HLA-DQB2: variants seen among roughly 807,000 people sequenced by gnomAD.
HLA-DQB2 encodes HLA class II histocompatibility antigen, DQ beta 2 chain.
In HLA-DQB2, 24 loss-of-function variants were observed where a neutral mutation model predicts 29.2. The observed-to-expected ratio is 0.82, with a 90% CI of 0.60 to 1.16. HLA-DQB2 has a LOEUF of 1.16. HLA-DQB2 is among the 50% of genes most tolerant of loss of function. HLA-DQB2 has a pLI of 0.00. For synonymous variants in HLA-DQB2, 104 were observed against 133.1 expected, an observed-to-expected ratio of 0.78 and a Z score of 1.51; for missense variants, 273 against 343.6, an observed-to-expected ratio of 0.79 and a Z score of 1.62.
rs1358148676 is a variant in HLA-DQB2, at chr6:32,758,540, C to A, written c.646+310G>T. On this transcript the variant is annotated intron_variant, in intron 3 of 5. Coordinates refer to ENST00000437316, the MANE Select transcript of HLA-DQB2 (RefSeq NM_001300790.2). ...ATAAATTACCCATTCTCAGGTATTT[C>A]TTTATAGTGGAGTGAGAAGAGCCAA... Among the ~76,000 whole-genome samples the A allele has an allele frequency of 3.3e-5, 5 of 152,196 alleles. No individual in the cohort carries two copies. In the East Asian group the frequency reaches 9.6e-4, roughly 29 times the overall value.
chr6:32,761,708 A>C lies in HLA-DQB2; in HGVS notation c.316T>G (p.Cys106Gly). 1 of 1,552,920 alleles carries C rather than the reference A, an allele frequency of 6.4e-7. No homozygotes were observed. Among genetic ancestry groups the C allele is most frequent in the Non-Finnish European group, 8.7e-7 (1 of 1,148,102 alleles). The change falls in exon 2 of 6, where the codon TGC becomes GGC. Residue 106 changes from cysteine (C) to glycine (G), a missense_variant. Transcript: ENST00000437316. ...AGCTCCGCCTCGTAGTTGTGTCTGC[A>C]CACCTTGTCCACCGCGGCCCGCTCC... ...EQERAAVDKV[C>G]RHNYEAELRT...
intron 1 of HLA-DQB2, among the ~76,000 whole-genome samples, chr6:32,762,159 T>C (rs1430263355): frequency 2.0e-5 from 3 of 152,114 alleles, no homozygotes. Context: ...TCTGCCTTCC[T>C]TTAGGGAGGT....
rs1413527953 is a variant in HLA-DQB2 at position 32,759,126 on chromosome 6, G to C, written c.370C>G (p.Pro124Ala). Reference sequence around the variant, plus strand: ...CTGGATGGGGAGATGGTCACTGTGGGCTCCACTGAGGGCAGTAACAGACAG... The same window carrying C: ...CTGGATGGGGAGATGGTCACTGTGGCCTCCACTGAGGGCAGTAACAGACAG... ...LRTTLQRQVE[P>A]TVTISPSRTE... is the part of the protein sequence containing the mutation. The change falls in exon 3 of 6, where the codon CCC (proline) becomes GCC (alanine). Residue 124 changes from proline to alanine, a missense_variant. Coordinates refer to ENST00000437316, the MANE Select transcript of HLA-DQB2 (RefSeq NM_001300790.2). 6 of 1,613,252 alleles carry C rather than the reference G, an allele frequency of 3.7e-6. No individual in the cohort carries two copies. Among genetic ancestry groups the C allele is most frequent in the Non-Finnish European group, 5.1e-6 (6 of 1,179,826 alleles).
chr6:32,758,761 G>C, intron 3 of HLA-DQB2, 89 bp downstream of exon 3: 23 of 1,473,626 alleles, frequency 1.6e-5, no homozygotes, highest in Non-Finnish European at 2.0e-5. Flanking sequence ...AGTGATGTCA[G>C]GGACAAGAGA....
At chr6:32,762,615 C>T (rs11759423) in intron 1 of HLA-DQB2, among the ~76,000 whole-genome samples, 8,665 of 152,232 alleles carry the variant, frequency 0.057, 312 homozygotes, top group South Asian at 0.11. Context: ...CCAGCTTGGG[C>T]AGGTTACTTA....
At chr6:32,756,954 T>C (rs1245828121) in intron 5 of HLA-DQB2, 3 of 1,228,498 alleles carry the variant, frequency 2.4e-6, no homozygotes, top group Non-Finnish European at 3.1e-6. Context: ...CCCCTAAGTC[T>C]TAACCCTCAT....
intron 3 of HLA-DQB2, 72 bp from the exon 4 acceptor site, chr6:32,757,955 G>A: frequency 1.8e-6 from 2 of 1,090,792 alleles, no homozygotes; most frequent in Non-Finnish European, 2.6e-6. Context: ...AGGTGGAGAT[G>A]TCAGGGGACA....
Position 32,757,809 on chromosome 6 carries a change from C to G in HLA-DQB2, c.721G>C (p.Gly241Arg). ...GGFVLGLIFL[G>R]LGLIIRHRGQ... ...CTGTGACGGATGATAAGGCCCAGCC[C>G]GAGGAAGATCAGCCCCAGCACGAAG... is the stretch of plus-strand genomic sequence containing the variant. The change falls in exon 4 of 6, where the codon GGG becomes CGG. Residue 241 changes from glycine to arginine, a missense_variant. By Grantham distance (125) the Gly-to-Arg change is moderately radical (BLOSUM62 -2). Coordinates refer to ENST00000437316, the MANE Select transcript of HLA-DQB2 (RefSeq NM_001300790.2). 2 of 1,613,728 alleles carry G rather than the reference C, an allele frequency of 1.2e-6. No homozygotes were observed. The highest frequency in any genetic ancestry group is 1.7e-6 in the Non-Finnish European group (2 of 1,179,796).
rs1765035506 is a variant in HLA-DQB2, at chr6:32,763,496, G to C, written c.-26C>G. The C allele has an allele frequency of 7.5e-6, 11 of 1,467,618 alleles. No individual in the cohort carries two copies. In the South Asian group the frequency reaches 1.3e-4, roughly 18 times the overall value. 90.9% of individuals were successfully genotyped at this position (1,467,618 alleles called of 1,614,324 possible). ...CTTCCAAGACGTAAGTGAGACCAAG[G>C]AAAAAGCAGTGGTAGTCAACACAGC... On this transcript the variant is annotated 5_prime_UTR_variant, in exon 1 of 6. Transcript: ENST00000437316.
Position 32,761,752 on chromosome 6 carries a change from T to G in HLA-DQB2, c.272A>C (p.Tyr91Ser). ...CCGCTCCTGCTCCAAGAAGTCCTTA[T>G]AGTTGTTCCAGTCCTCGATGCTCCG... ...LGRSIEDWNN[Y>S]KDFLEQERAA... Residue 91 changes from tyrosine to serine, a missense_variant, in exon 2 of 6, where the codon TAT (tyrosine) becomes TCT (serine). By Grantham distance (144) the Tyr-to-Ser change is moderately radical. Coordinates refer to ENST00000437316, the MANE Select transcript of HLA-DQB2 (RefSeq NM_001300790.2). 6.4e-7 allele frequency: 1 copy of G among 1,562,094 alleles called. No individual in the cohort carries two copies. The highest frequency in any genetic ancestry group is 8.7e-7 in the Non-Finnish European group (1 of 1,153,436).
chr6:32,761,866 C>G lies in HLA-DQB2; in HGVS notation c.158G>C (p.Arg53Pro), dbSNP rs1764868996. 5 of 1,611,974 alleles carry G rather than the reference C, an allele frequency of 3.1e-6. No individual in the cohort carries two copies. The East Asian group carries it at 6.7e-5, about 22-fold the overall frequency. The change falls in exon 2 of 6, where the codon CGC becomes CCC. Residue 53 changes from arginine (R) to proline (P), a missense_variant. Arg to Pro is a moderately radical substitution (Grantham distance 103). Transcript: ENST00000437316. ...GTTATAGATGTATCTGGCCACACCG[C>G]GCACGCGCTCTGTCCCGTTGGTGAA... Reference protein sequence around the residue: ...CYFTNGTERVRGVARYIYNRE... With the variant: ...CYFTNGTERVPGVARYIYNRE...
At position 32,756,476 on chromosome 6, in the gene HLA-DQB2, A is replaced by T; in HGVS notation, c.782-10T>A. On this transcript the variant is annotated splice_polypyrimidine_tract_variant and intron_variant, in intron 5 of 5. Coordinates refer to ENST00000437316, the MANE Select transcript of HLA-DQB2 (RefSeq NM_001300790.2). ...AGTCAGTGCAGGAGTCCTGGAGAAG[A>T]GAGACGAGGCATGATCAGCACAGGG... 3 of 1,573,958 alleles carry T rather than the reference A, an allele frequency of 1.9e-6. No homozygotes were observed. Among genetic ancestry groups the T allele is most frequent in the Non-Finnish European group, 1.7e-6 (2 of 1,154,514 alleles).
At position 32,756,161 on chromosome 6, in the gene HLA-DQB2, C is replaced by A; in HGVS notation, c.*292G>T. On this transcript the variant is annotated 3_prime_UTR_variant, in exon 6 of 6. Coordinates refer to ENST00000437316, the MANE Select transcript of HLA-DQB2 (RefSeq NM_001300790.2). ...AAGTCAGGTAAATGATTTTGTTTGT[C>A]ATGCTTCTCTTGACAGGTCTGTGGG... The A allele has an allele frequency of 2.2e-6, 1 of 458,560 alleles. No individual in the cohort carries two copies. The highest frequency in any genetic ancestry group is 3.8e-6 in the Non-Finnish European group (1 of 260,204). 28.4% of individuals were successfully genotyped at this position (458,560 alleles called of 1,614,324 possible). A position where few individuals can be genotyped will look rare whatever the true frequency, so the allele number is the denominator to read the frequency against.
In HLA-DQB2 at chr6:32,761,807, C is replaced by G; in HGVS notation, c.217G>C (p.Gly73Arg). The change falls in exon 2 of 6, where the codon GGG becomes CGG. Residue 73 changes from glycine (G) to arginine (R), a missense_variant. Transcript: ENST00000437316. ...EEYGRFDSDV[G>R]EFQAVTELGR... ...AGCTCGGTCACCGCCTGGAACTCCC[C>G]AACGTCGCTGTCGAAGCGCCCGTAC... The G allele has an allele frequency of 6.3e-7, 1 of 1,599,156 alleles. No individual in the cohort carries two copies. Among genetic ancestry groups the G allele is most frequent in the Non-Finnish European group, 8.5e-7 (1 of 1,172,884 alleles).
At chr6:32,757,362 C>G (rs1185032650) in intron 4 of HLA-DQB2, 58 bp from the exon 5 acceptor site, 6 of 1,280,062 alleles carry the variant, frequency 4.7e-6, no homozygotes, top group African/African-American at 1.5e-5. Context: ...ACTATCTTAC[C>G]CCAAAGGAAA....
intron 1 of HLA-DQB2, 147 bp from the exon 2 acceptor site, chr6:32,762,073 G>C: frequency 8.9e-7 from 1 of 1,124,542 alleles, no homozygotes; most frequent in East Asian, 2.6e-5. Flanking sequence ...CTGGGCCCGT[G>C]CCTCGTGCTC....
intron 1 of HLA-DQB2, among the ~76,000 whole-genome samples, chr6:32,762,518 C>A (rs746112886): frequency 2.1e-5 from 3 of 145,604 alleles, no homozygotes; most frequent in African/African-American, 2.5e-5. Flanking sequence ...AGGACCTACA[C>A]CTCCGGAGTC....
Position 32,756,342 on chromosome 6 carries a change from G to A in HLA-DQB2, c.*111C>T. The A allele has an allele frequency of 1.3e-6, 1 of 741,168 alleles. No homozygotes were observed. Among genetic ancestry groups the A allele is most frequent in the Non-Finnish European group, 2.4e-6 (1 of 411,742 alleles). 45.9% of individuals were successfully genotyped at this position (741,168 alleles called of 1,614,324 possible). ...ACCTGTGGCTGCATGAGCCACTGTAGGACTCTGACCTCAGTGGGACAGGGT... is the reference window on the plus strand; with the variant it reads ...ACCTGTGGCTGCATGAGCCACTGTAAGACTCTGACCTCAGTGGGACAGGGT... On this transcript the variant is annotated 3_prime_UTR_variant, in exon 6 of 6. Coordinates refer to ENST00000437316, the MANE Select transcript of HLA-DQB2 (RefSeq NM_001300790.2).
At chr6:32,758,722 C>T in intron 3 of HLA-DQB2, 128 bp downstream of exon 3, 2 of 1,084,860 alleles carry the variant, frequency 1.8e-6, no homozygotes, top group Non-Finnish European at 2.6e-6. Flanking sequence ...GCAACAGGTG[C>T]TCTAGTCTCC....
Sources: gnomAD v4.1 joint callset for allele counts (sites outside exome capture counted in the v4.1 genomes callset) on GRCh38, gnomAD v4.1.1 for gene constraint, MANE v1.5 for transcripts, NCBI Gene and HGNC (gene_info 2026-07-23, HGNC 2026-07-21) for gene names.